Variants in AVEN observed in about 807,000 individuals in gnomAD.
AVEN encodes cell death regulator Aven.
Under a neutral mutation model 38.1 loss-of-function variants are expected in AVEN, and 41 were observed. The observed-to-expected ratio is 1.08, with a 90% CI of 0.84 to 1.40. The LOEUF is 1.40. Among genes scored for constraint, AVEN ranks in the 40% most tolerant of loss-of-function variants. AVEN has a pLI of 0.00. For synonymous variants in AVEN, 206 were observed against 171.8 expected, an observed-to-expected ratio of 1.20 and a Z score of -1.56; for missense variants, 605 against 438.8, an observed-to-expected ratio of 1.38 and a Z score of -3.38.
chr15:33,908,297 G>C (rs550773104), intron 2 of AVEN, among the ~76,000 whole-genome samples: 2 of 36,152 alleles, frequency 5.5e-5, no homozygotes, highest in South Asian at 1.6e-3. Flanking sequence ...AGAACATTGT[G>C]TTGACAGTGC....
downstream of AVEN, chr15:33,857,926 C>T: frequency 7.2e-7 from 1 of 1,380,022 alleles, no homozygotes; most frequent in Non-Finnish European, 9.6e-7. Flanking sequence ...TGAGAGCCCA[C>T]CCACTGCGGG....
At chr15:34,069,100 C>T (rs1007328617) in intron 2 of AVEN, among the ~76,000 whole-genome samples, 14 of 151,810 alleles carry the variant, frequency 9.2e-5, no homozygotes, top group African/African-American at 1.4e-4. Flanking sequence ...AGTGAGCCAC[C>T]GCGCCAAGCC....
At position 33,875,997 on chromosome 15, in the gene AVEN, T is replaced by C; in HGVS notation, c.446-2A>G. On this transcript the variant is annotated splice_acceptor_variant, in intron 2 of 5. Transcript: ENST00000306730. LOFTEE classifies it high-confidence loss of function. ...ACCGGAACTGTGAGAATGAGTCCCC[T>C]AGGAATAGGAAAAAAAAAAAAATTT... 3.1e-6 allele frequency: 5 copies of C among 1,604,504 alleles called. No individual in the cohort carries two copies. Among genetic ancestry groups the C allele is most frequent in the Non-Finnish European group, 4.2e-6 (5 of 1,178,080 alleles).
At chr15:33,986,653 G>C (rs1567450293) in intron 2 of AVEN, among the ~76,000 whole-genome samples, 1 of 151,522 alleles carries the variant, frequency 6.6e-6, no homozygotes, top group African/African-American at 2.4e-5. Context: ...CTCTATATCA[G>C]GTTTTTGTTT....
At chr15:33,982,113 C>T (rs1468744479) in intron 2 of AVEN, among the ~76,000 whole-genome samples, 3 of 151,866 alleles carry the variant, frequency 2.0e-5, no homozygotes, top group Non-Finnish European at 2.9e-5. Context: ...ATGATCCACC[C>T]GCCTCAGCCT....
intron 2 of AVEN, among the ~76,000 whole-genome samples, chr15:33,943,776 GACTACT>G (rs950549680): frequency 8.2e-6 from 1 of 121,258 alleles, no homozygotes; most frequent in Admixed American, 1.2e-4. Flanking sequence ...TGTGACTTAA[GACTACT>G]ACTGCACTCC....
chr15:33,863,843 T>G (rs117665499), downstream of AVEN, among the ~76,000 whole-genome samples: 2,247 of 152,314 alleles, frequency 0.015, 27 homozygotes, highest in South Asian at 0.046. Context: ...TTTATTAGAA[T>G]TTTGTTAACA....
chr15:34,046,184 T>G, intron 5 of AVEN, among the ~76,000 whole-genome samples: 1 of 152,160 alleles, frequency 6.6e-6, no homozygotes, highest in South Asian at 2.1e-4. Flanking sequence ...GTGGAAAACA[T>G]TCAGGCTGGA....
intron 2 of AVEN, among the ~76,000 whole-genome samples, chr15:33,888,466 G>A (rs965050062): frequency 6.6e-6 from 1 of 152,156 alleles, no homozygotes; most frequent in Admixed American, 6.5e-5. Flanking sequence ...GCCAAAATCA[G>A]AAAGGAGAAA....
chr15:34,010,609 G>A (rs1026226601), intron 1 of AVEN, among the ~76,000 whole-genome samples: 2 of 152,078 alleles, frequency 1.3e-5, no homozygotes, highest in African/African-American at 4.8e-5. Flanking sequence ...CACCTCCTAT[G>A]TTCCTCACAA....
At chr15:34,015,793 A>G (rs1597353106) in intron 1 of AVEN, among the ~76,000 whole-genome samples, 1 of 152,226 alleles carries the variant, frequency 6.6e-6, no homozygotes, top group East Asian at 1.9e-4. Context: ...CCAAGTCCTT[A>G]TATCTTTCTC....
At chr15:33,924,076 C>G (rs1333046879) in intron 2 of AVEN, among the ~76,000 whole-genome samples, 1 of 151,912 alleles carries the variant, frequency 6.6e-6, no homozygotes, top group African/African-American at 2.4e-5. Flanking sequence ...AACTATCCCC[C>G]CCTTTTCTGG....
At chr15:33,946,398 C>T (rs372808648) in intron 2 of AVEN, among the ~76,000 whole-genome samples, 20 of 152,186 alleles carry the variant, frequency 1.3e-4, no homozygotes, top group Non-Finnish European at 5.9e-5. Context: ...ATAACCAACA[C>T]TCCTTCCAAC....
At chr15:33,986,369 A>G (rs954090198) in intron 2 of AVEN, among the ~76,000 whole-genome samples, 3 of 152,002 alleles carry the variant, frequency 2.0e-5, no homozygotes, top group Admixed American at 6.5e-5. Flanking sequence ...TCGGCCTCCC[A>G]AAGTGCTGGG....
At chr15:33,978,184 C>T (rs946896841) in intron 2 of AVEN, among the ~76,000 whole-genome samples, 1 of 152,040 alleles carries the variant, frequency 6.6e-6, no homozygotes, top group Non-Finnish European at 1.5e-5. Flanking sequence ...TCTCTCTAGG[C>T]AGAACCAATG....
chr15:33,961,872 T>C (rs1294624548), intron 2 of AVEN, among the ~76,000 whole-genome samples: 1 of 150,172 alleles, frequency 6.7e-6, no homozygotes, highest in Non-Finnish European at 1.5e-5. Flanking sequence ...GAGGAGAGTG[T>C]GTTCCTATGA....
In AVEN at chr15:34,002,951, A is replaced by C. The variant is rs1897193717; in HGVS notation, c.445+81T>G. The C allele has an allele frequency of 4.7e-6, 6 of 1,266,428 alleles. No homozygotes were observed. In the Admixed American group the frequency reaches 1.4e-4, roughly 30 times the overall value. The allele number at this position is 1,266,428 out of a possible 1,614,324, so 78.4% of individuals were successfully genotyped here. A position where few individuals can be genotyped will look rare whatever the true frequency, so the allele number is the denominator to read the frequency against. ...ACAAAGGATAAATTGCTAGTTATAA[A>C]AGTAGAATTTAAAAACATATATAAA... On this transcript the variant is annotated intron_variant, in intron 2 of 5. Transcript: ENST00000306730.
intron 1 of AVEN, among the ~76,000 whole-genome samples, chr15:34,005,135 G>A (rs1234894614): frequency 2.0e-5 from 3 of 151,990 alleles, no homozygotes; most frequent in Non-Finnish European, 4.4e-5. Flanking sequence ...CTTTTTCTAT[G>A]TATATATTTA....
At chr15:33,995,822 G>A (rs1194677531) in intron 2 of AVEN, among the ~76,000 whole-genome samples, 6 of 152,302 alleles carry the variant, frequency 3.9e-5, no homozygotes, top group East Asian at 1.9e-4. Context: ...CATCTCATTC[G>A]GACTGGTTGG....
Sources: allele counts gnomAD v4.1 joint callset (sites outside exome capture counted in the v4.1 genomes callset), GRCh38; gene constraint gnomAD v4.1.1; transcripts MANE v1.5; gene names NCBI Gene and HGNC (gene_info 2026-07-23, HGNC 2026-07-21).